Variants in ATP4B observed in about 807,000 individuals in gnomAD.
ATP4B encodes potassium-transporting ATPase subunit beta.
Under a neutral mutation model 35.3 loss-of-function variants are expected in ATP4B, and 27 were observed. That is an observed-to-expected ratio of 0.76 (90% CI 0.56 to 1.05). The LOEUF is 1.05. ATP4B is among the 50% of genes least tolerant of loss of function. The pLI is 0.00. For missense variants in ATP4B, 375 were observed against 384.8 expected, an observed-to-expected ratio of 0.97 and a Z score of 0.21; for synonymous variants, 162 against 156.0, an observed-to-expected ratio of 1.04 and a Z score of -0.29.
chr13:113,649,727 G>C lies in ATP4B; in HGVS notation c.715-192C>G, dbSNP rs2049697535. Among the ~76,000 whole-genome samples, 1 of 152,182 alleles carries C rather than the reference G, an allele frequency of 6.6e-6. No homozygotes were observed. Among genetic ancestry groups the C allele is most frequent in the African/African-American group, 2.4e-5 (1 of 41,434 alleles). On this transcript the variant is annotated intron_variant, in intron 6 of 6. Coordinates refer to ENST00000335288, the MANE Select transcript of ATP4B (RefSeq NM_000705.4). This position sits in a 1 kb window ranked among gnomAD's most constrained non-coding sequence, Gnocchi z 4.7. ...CCCCATGTAAAAATGGAAAGCAACT[G>C]TCTGGAGGGGACAGACAATACCAGG...
At chr13:113,657,687 C>T (rs1354139298) in intron 1 of ATP4B, among the ~76,000 whole-genome samples, 2 of 151,924 alleles carry the variant, frequency 1.3e-5, no homozygotes, top group African/African-American at 4.9e-5. Flanking sequence ...AAGGAATCAC[C>T]GTTGCCACCT....
At chr13:113,654,186 G>A (rs1313549136) in intron 2 of ATP4B, among the ~76,000 whole-genome samples, 1 of 152,256 alleles carries the variant, frequency 6.6e-6, no homozygotes, top group African/African-American at 2.4e-5. Context: ...TTGAGGCTAG[G>A]TGTTGCTGTT....
rs2049694283 is a variant in ATP4B at position 113,649,393 on chromosome 13, T to A, written c.857A>T (p.Lys286Ile). 6.3e-7 allele frequency: 1 copy of A among 1,595,122 alleles called. No individual in the cohort carries two copies. The change falls in exon 7 of 7, where the codon AAA becomes ATA. Residue 286 changes from lysine to isoleucine, a missense_variant. Coordinates refer to ENST00000335288, the MANE Select transcript of ATP4B (RefSeq NM_000705.4). The surrounding 1 kb of genome is among the most constrained non-coding windows in gnomAD (Gnocchi z 4.7). ...ACCGTTTCACTTCTCAATCTTGAGT[T>A]TGAACTCCACTTTCCCTTCATACGG... ...HDPYEGKVEF[K>I]LKIEK
intron 4 of ATP4B, among the ~76,000 whole-genome samples, chr13:113,652,004 C>T (rs767873013): frequency 6.6e-6 from 1 of 152,176 alleles, no homozygotes; most frequent in East Asian, 1.9e-4. Context: ...AGAGCTGGGG[C>T]GGGGTGGTCT....
At chr13:113,654,760 G>A in intron 2 of ATP4B, 54 bp downstream of exon 2, 2 of 1,588,782 alleles carry the variant, frequency 1.3e-6, no homozygotes, top group Non-Finnish European at 1.7e-6. Context: ...CAGAGCCGAG[G>A]AGGCGGCAGC....
At chr13:113,651,768 A>G (rs769480619) in intron 4 of ATP4B, 41 bp from the exon 5 acceptor site, 6 of 1,601,512 alleles carry the variant, frequency 3.7e-6, no homozygotes, top group Non-Finnish European at 5.1e-6. Context: ...CCCCACCCCC[A>G]CCGCCATGTG....
chr13:113,654,655 G>A (rs1434160766), intron 2 of ATP4B, among the ~76,000 whole-genome samples, 159 bp downstream of exon 2: 1 of 152,234 alleles, frequency 6.6e-6, no homozygotes, highest in African/African-American at 2.4e-5. Flanking sequence ...CTGCCCTCGG[G>A]GGCACCTGCT....
intron 4 of ATP4B, among the ~76,000 whole-genome samples, chr13:113,652,040 G>A (rs555389170): frequency 7.2e-5 from 11 of 152,292 alleles, no homozygotes; most frequent in South Asian, 2.1e-4. Flanking sequence ...GTCCAGGTCC[G>A]GTGGAGCACT....
chr13:113,651,817 G>A lies in ATP4B; in HGVS notation c.556-90C>T, dbSNP rs12427449. 3,930 of 1,480,866 alleles carry A rather than the reference G, an allele frequency of 2.7e-3. 72 individuals carry two copies. The Admixed American group carries it at 0.031, about 12-fold the overall frequency. The allele number at this position is 1,480,866 out of a possible 1,614,324, so 91.7% of individuals were successfully genotyped here. A position where few individuals can be genotyped will look rare whatever the true frequency, so the allele number is the denominator to read the frequency against. The stretch of plus-strand genomic sequence containing the variant: ...CCACCCATGGAGCTGAGATCTGGCC[G>A]GCCCCAGCCTGGGCTTTCTGACCAG... On this transcript the variant is annotated intron_variant, in intron 4 of 6. Transcript: ENST00000335288.
At chr13:113,655,610 C>T (rs916022437) in intron 1 of ATP4B, among the ~76,000 whole-genome samples, 5 of 152,204 alleles carry the variant, frequency 3.3e-5, no homozygotes, top group Non-Finnish European at 2.9e-5. Flanking sequence ...TGGACACAGG[C>T]GACTGCCTGT....
chr13:113,653,889 G>T (rs571927094), intron 2 of ATP4B, among the ~76,000 whole-genome samples: 7 of 152,326 alleles, frequency 4.6e-5, no homozygotes, highest in South Asian at 2.1e-4. Flanking sequence ...CAGAGCCGTC[G>T]ACTTTCCCGA....
In ATP4B at chr13:113,649,410, T is replaced by A; in HGVS notation, c.840A>T (p.Glu280Asp). The A allele has an allele frequency of 6.3e-7, 1 of 1,592,632 alleles. No individual in the cohort carries two copies. Among genetic ancestry groups the A allele is most frequent in the Non-Finnish European group, 8.6e-7 (1 of 1,167,996 alleles). Residue 280 changes from glutamate (E) to aspartate (D), a missense_variant, in exon 7 of 7, where the codon GAA becomes GAT. Physicochemically the swap from Glu to Asp is conservative, Grantham distance 45. Coordinates refer to ENST00000335288, the MANE Select transcript of ATP4B (RefSeq NM_000705.4). This position sits in a 1 kb window ranked among gnomAD's most constrained non-coding sequence, Gnocchi z 4.7. ...TCTTGAGTTTGAACTCCACTTTCCC[T>A]TCATACGGGTCGTGGGGATTGTTGA... ...VTFNNPHDPY[E>D]GKVEFKLKIE...
chr13:113,656,412 G>T (rs139092590), intron 1 of ATP4B, among the ~76,000 whole-genome samples: 4 of 152,206 alleles, frequency 2.6e-5, no homozygotes, highest in Non-Finnish European at 5.9e-5. Flanking sequence ...GCGAGTCTCA[G>T]CTCCACCAGG....
At position 113,653,289 on chromosome 13, in the gene ATP4B, CTTCACACCTCACCTGCCGT is replaced by C. The variant is rs748629488; in HGVS notation, c.355+13_355+31del. Reference sequence around the variant, plus strand: ...CGCTTCACACCTCACCCACCCGCCGCTTCACACCTCACCTGCCGTTTCACACCTCACCTGCTAGGAAGGC... The same window carrying C: ...CGCTTCACACCTCACCCACCCGCCGCTTCACACCTCACCTGCTAGGAAGGC... On this transcript the variant is annotated intron_variant, in intron 3 of 6. Coordinates refer to ENST00000335288, the MANE Select transcript of ATP4B (RefSeq NM_000705.4). 2.6e-5 allele frequency: 41 copies of C among 1,589,446 alleles called. No homozygotes were observed. The highest frequency in any genetic ancestry group is 1.9e-4 in the South Asian group (17 of 90,578).
At position 113,649,630 on chromosome 13, in the gene ATP4B, C is replaced by G. The variant is rs2049696684; in HGVS notation, c.715-95G>C. 7.3e-7 allele frequency: 1 copy of G among 1,364,496 alleles called. No homozygotes were observed. Among genetic ancestry groups the G allele is most frequent in the East Asian group, 2.7e-5 (1 of 36,994 alleles). The allele number at this position is 1,364,496 out of a possible 1,614,324, so 84.5% of individuals were successfully genotyped here. ...GGAAGTGTCAACAGTCAGGTTGGTGCAGAGAAGCAGCTCTTTTGTGTAAGA... is the reference window on the plus strand; with the variant it reads ...GGAAGTGTCAACAGTCAGGTTGGTGGAGAGAAGCAGCTCTTTTGTGTAAGA... On this transcript the variant is annotated intron_variant, in intron 6 of 6. Transcript: ENST00000335288. This position sits in a 1 kb window ranked among gnomAD's most constrained non-coding sequence, Gnocchi z 4.7.
At position 113,649,467 on chromosome 13, in the gene ATP4B, G is replaced by A. The variant is rs780932849; in HGVS notation, c.783C>T (p.Ile261=). The A allele has an allele frequency of 3.2e-6, 5 of 1,563,810 alleles. No individual in the cohort carries two copies. Among genetic ancestry groups the A allele is most frequent in the Middle Eastern group, 1.8e-4 (1 of 5,566 alleles). ...LNIPRNAEVA[I]VCKVMAEHVT... is the part of the protein sequence containing the mutation. ...CGTGCTCCGCCATGACCTTGCACAC[G>A]ATGGCGACCTCAGCGTTCCTGGGGA... Residue 261 remains isoleucine (I), a synonymous_variant, in exon 7 of 7, where the codon ATC becomes ATT. Transcript: ENST00000335288. This position sits in a 1 kb window ranked among gnomAD's most constrained non-coding sequence, Gnocchi z 4.7.
Position 113,651,651 on chromosome 13 carries a change from C to A in ATP4B, c.612+20G>T. The A allele has an allele frequency of 6.3e-7, 1 of 1,591,842 alleles. No individual in the cohort carries two copies. ...GCTCCTTTCCTGGGGCAGCCCTGCC[C>A]GCCGCGCGGCCGTACTCACCAGGAA... On this transcript the variant is annotated intron_variant, in intron 5 of 6. Coordinates refer to ENST00000335288, the MANE Select transcript of ATP4B (RefSeq NM_000705.4).
chr13:113,655,600 T>TG (rs2049747540), intron 1 of ATP4B, among the ~76,000 whole-genome samples: 1 of 152,224 alleles, frequency 6.6e-6, no homozygotes, highest in South Asian at 2.1e-4. Flanking sequence ...GGGCGGCTCC[T>TG]GGACACAGGC....
chr13:113,653,672 TG>T lies in ATP4B; in HGVS notation c.242-239del, dbSNP rs141298331. Among the ~76,000 whole-genome samples the T allele has an allele frequency of 9.9e-3, 1,506 of 151,836 alleles. 31 individuals are homozygous for T. The highest frequency in any genetic ancestry group is 0.034 in the African/African-American group (1,426 of 41,380). ...CCTGGCTGGCTGCCATGGTGGGGGG[TG>T]GGGGGTGGCTGGCTCTCTCCACCGG... On this transcript the variant is annotated intron_variant, in intron 2 of 6. Transcript: ENST00000335288.
Sources: gnomAD v4.1 joint callset for allele counts (sites outside exome capture counted in the v4.1 genomes callset) on GRCh38, gnomAD v4.1.1 for gene constraint, Gnocchi (gnomAD v3.1) non-coding constraint, MANE v1.5 for transcripts, NCBI Gene and HGNC (gene_info 2026-07-23, HGNC 2026-07-21) for gene names.